The following DCX variants were observed in gnomAD, a reference collection of about 807,000 sequenced individuals.
DCX encodes the protein neuronal migration protein doublecortin.
DCX carries 4 observed loss-of-function variants against 20.9 expected under a neutral mutation model. The observed-to-expected ratio is 0.19, with a 90% confidence interval of 0.09 to 0.44. The LOEUF (loss-of-function observed/expected upper bound fraction) is 0.44. Among genes scored for constraint, DCX ranks in the 20% least tolerant of loss-of-function variants. The pLI, the probability that DCX is intolerant of heterozygous loss-of-function variation, is 0.99. For synonymous variants in DCX, 103 were observed against 111.4 expected (o/e 0.92, Z 0.47); for missense variants, 133 against 296.9 (o/e 0.45, Z 4.06).
At chrX:111,357,577 G>C (rs751277792) in intron 3 of DCX, among the ~76,000 whole-genome samples, 1 of 111,155 alleles carries the variant, frequency 9.0e-6, no homozygotes, top group Non-Finnish European at 1.9e-5. Flanking sequence ...TCAGGAGTTT[G>C]AGACCAGCCT....
rs2095030964 is a variant in DCX at position 111,300,303 on chromosome X, C to T, written c.*1384G>A. On this transcript the variant is annotated 3_prime_UTR_variant, in exon 7 of 7. Transcript: ENST00000636035. Reference sequence around the variant, plus strand: ...AACCTGTATCTCAAAAGACTGAAAACTATTTCAAATGATCAGTCCTTAGTA... The same window carrying T: ...AACCTGTATCTCAAAAGACTGAAAATTATTTCAAATGATCAGTCCTTAGTA... 1 of 111,394 alleles carries T rather than the reference C, an allele frequency of 9.0e-6. No individual in the cohort carries two copies. The highest frequency in any genetic ancestry group is 2.8e-4 in the East Asian group (1 of 3,552). 9.2% of individuals were successfully genotyped at this position (111,394 alleles called of 1,213,427 possible). A position where few individuals can be genotyped will look rare whatever the true frequency, so the allele number is the denominator to read the frequency against.
chrX:111,350,526 T>A lies in DCX; in HGVS notation c.706-17373A>T, dbSNP rs191078869. 1.9e-3 allele frequency among the ~76,000 whole-genome samples: 210 copies of A among 111,587 alleles called. 2 individuals are homozygous for A. The highest frequency in any genetic ancestry group is 6.3e-3 in the African/African-American group (192 of 30,691). ...GTTTAGGTGATTTGCAAAGACCAAA[T>A]GTCTACAAAAAAAGGACATGGACTA... is the stretch of plus-strand genomic sequence containing the variant. On this transcript the variant is annotated intron_variant, in intron 3 of 6. Transcript: ENST00000636035.
chrX:111,326,560 A>G lies in DCX; in HGVS notation c.946+4344T>C, dbSNP rs920600429. ...TAGGAGCCTCCTGGGCTCAGATTTT[A>G]TCTTTTTTACCACAGTTCCATGGCC... On this transcript the variant is annotated intron_variant, in intron 5 of 6. Transcript: ENST00000636035. Among the ~76,000 whole-genome samples the G allele has an allele frequency of 3.6e-5, 4 of 112,165 alleles. No homozygotes were observed. In the Admixed American group the frequency reaches 3.8e-4, roughly 11 times the overall value.
intron 3 of DCX, among the ~76,000 whole-genome samples, chrX:111,375,211 C>A (rs775733241): frequency 9.3e-6 from 1 of 107,867 alleles, no homozygotes; most frequent in Non-Finnish European, 1.9e-5. Context: ...CATAGACATA[C>A]AACTACATAA....
intron 3 of DCX, among the ~76,000 whole-genome samples, chrX:111,338,597 T>TA (rs374786871): frequency 1.8e-5 from 2 of 108,974 alleles, no homozygotes; most frequent in African/African-American, 6.7e-5. Flanking sequence ...TTTTTTTTTT[T>TA]ATCAAACTCA....
At chrX:111,400,870 T>C (rs1927716132) in intron 3 of DCX, 120 bp downstream of exon 3, 1 of 651,708 alleles carries the variant, frequency 1.5e-6, no homozygotes, top group Admixed American at 2.5e-5. Context: ...ACCTATAATA[T>C]CAGGTTGTGA....
chrX:111,349,196 C>G (rs1243374658), intron 3 of DCX, among the ~76,000 whole-genome samples: 1 of 111,683 alleles, frequency 9.0e-6, no homozygotes. Context: ...TAGTTGATTT[C>G]TGAGGTCTCT....
intron 3 of DCX, among the ~76,000 whole-genome samples, chrX:111,355,829 A>G (rs1923685903): frequency 8.9e-6 from 1 of 112,143 alleles, no homozygotes; most frequent in Non-Finnish European, 1.9e-5. Context: ...TCAATAACAC[A>G]TTTATTGGCC....
chrX:111,382,842 AT>A (rs888479725), intron 3 of DCX, among the ~76,000 whole-genome samples: 2 of 108,868 alleles, frequency 1.8e-5, no homozygotes, highest in East Asian at 2.9e-4. Context: ...ATCATCTCAC[AT>A]TTTTTTTTCA....
intron 5 of DCX, among the ~76,000 whole-genome samples, chrX:111,314,103 T>C (rs190195925): frequency 1.1e-3 from 123 of 111,909 alleles, no homozygotes; most frequent in African/African-American, 3.9e-3. Flanking sequence ...ACATCAACTG[T>C]AGAGATGGAA....
intron 3 of DCX, among the ~76,000 whole-genome samples, chrX:111,345,984 C>T (rs941316628): frequency 3.6e-5 from 4 of 110,928 alleles, no homozygotes; most frequent in African/African-American, 1.3e-4. Context: ...TTGCATTACT[C>T]TAATGATCAG....
Position 111,397,993 on chromosome X carries a change from T to C in DCX, c.705+2997A>G, listed in dbSNP as rs1927467277. On this transcript the variant is annotated intron_variant, in intron 3 of 6. Transcript: ENST00000636035. ...TAAGAATGGCACACAATTTGCAGCATTTTACTGCAAATAAGGCAAACCTTA... is the reference window on the plus strand; with the variant it reads ...TAAGAATGGCACACAATTTGCAGCACTTTACTGCAAATAAGGCAAACCTTA... 2.7e-5 allele frequency among the ~76,000 whole-genome samples: 3 copies of C among 110,999 alleles called. No individual in the cohort carries two copies. In the South Asian group the frequency reaches 1.2e-3, roughly 43 times the overall value.
At chrX:111,315,205 C>A (rs2095067292) in intron 5 of DCX, among the ~76,000 whole-genome samples, 1 of 106,545 alleles carries the variant, frequency 9.4e-6, no homozygotes, top group South Asian at 4.2e-4. Context: ...TATCCAGAAT[C>A]TACAATGAAC....
intron 5 of DCX, among the ~76,000 whole-genome samples, chrX:111,329,867 C>T (rs1921053615): frequency 1.8e-5 from 2 of 111,941 alleles, no homozygotes; most frequent in Admixed American, 1.9e-4. Flanking sequence ...TTTTGTTTTC[C>T]CAAGGCTCTC....
chrX:111,310,406 GTAT>G (rs2147589888), intron 6 of DCX, among the ~76,000 whole-genome samples: 1 of 111,205 alleles, frequency 9.0e-6, no homozygotes, highest in African/African-American at 3.2e-5. Context: ...ATTTATTTGT[GTAT>G]TATTATGTCT....
chrX:111,356,773 A>G (rs1923765667), intron 3 of DCX, among the ~76,000 whole-genome samples: 1 of 112,264 alleles, frequency 8.9e-6, no homozygotes, highest in Non-Finnish European at 1.9e-5. Context: ...AAAAGAATCA[A>G]AATCAATCAA....
rs538344792 is a variant in DCX at position 111,303,622 on chromosome X, C to T, written c.1045-1879G>A. 9.8e-5 allele frequency among the ~76,000 whole-genome samples: 11 copies of T among 111,983 alleles called. 1 individual carries two copies. The South Asian group carries it at 4.1e-3, about 42-fold the overall frequency. On this transcript the variant is annotated intron_variant, in intron 6 of 6. Transcript: ENST00000636035. ...TCAGAAACCCGAGGTTTAACTCTGG[C>T]TAATTAATGCTATGACATTGAACAA...
At chrX:111,310,072 C>A (rs2095053979) in intron 6 of DCX, among the ~76,000 whole-genome samples, 1 of 112,608 alleles carries the variant, frequency 8.9e-6, no homozygotes, top group African/African-American at 3.2e-5. Flanking sequence ...GTGGCTCATG[C>A]CTGTAATCCC....
At chrX:111,354,303 C>G (rs1569492261) in intron 3 of DCX, among the ~76,000 whole-genome samples, 1 of 111,356 alleles carries the variant, frequency 9.0e-6, no homozygotes, top group Non-Finnish European at 1.9e-5. Flanking sequence ...TTTGAATCAC[C>G]CTTTGTATGT....
Sources: gnomAD v4.1 joint callset for allele counts (sites outside exome capture counted in the v4.1 genomes callset) on GRCh38, gnomAD v4.1.1 for gene constraint, MANE v1.5 for transcripts, NCBI Gene and HGNC (gene_info 2026-07-23, HGNC 2026-07-21) for gene names.